THOP1: variants seen among roughly 807,000 people sequenced by gnomAD.
THOP1 encodes thimet oligopeptidase.
THOP1 carries 49 observed loss-of-function variants against 71.8 expected under a neutral mutation model. The ratio of observed to expected loss-of-function variants is 0.68; its 90% CI spans 0.54 to 0.87. The LOEUF (loss-of-function observed/expected upper bound fraction) is 0.87, where lower values mean the gene tolerates loss of function less well. Among genes scored for constraint, THOP1 ranks in the 40% least tolerant of loss-of-function variants. The pLI is 0.00. For missense variants in THOP1, 843 were observed against 975.6 expected, an observed-to-expected ratio of 0.86 and a Z score of 1.81; for synonymous variants, 426 against 421.5, an observed-to-expected ratio of 1.01 and a Z score of -0.13.
chr19:2,812,987 C>T (rs1002133579), intron 12 of THOP1, 128 bp from the exon 13 acceptor site: 81 of 1,171,614 alleles, frequency 6.9e-5, no homozygotes, highest in Middle Eastern at 2.6e-4. Context: ...AGGCGGCCCC[C>T]GGGCCTCCCT....
At chr19:2,798,744 G>A (rs755764919) in intron 4 of THOP1, among the ~76,000 whole-genome samples, 6 of 152,216 alleles carry the variant, frequency 3.9e-5, no homozygotes, top group South Asian at 2.1e-4. Context: ...CCCTGCTGCC[G>A]CCCTCTGTCC....
intron 9 of THOP1, 22 bp downstream of exon 9, chr19:2,808,466 G>A: frequency 6.6e-7 from 1 of 1,525,346 alleles, no homozygotes; most frequent in Non-Finnish European, 8.8e-7. Context: ...CCCGGGCAGG[G>A]GCAGGGGCAG....
chr19:2,791,402 C>A (rs1173937981), intron 2 of THOP1, among the ~76,000 whole-genome samples: 1 of 115,656 alleles, frequency 8.6e-6, no homozygotes, highest in South Asian at 2.9e-4. Flanking sequence ...GGGCTTCTCT[C>A]GTGTTCCAAG....
Position 2,805,761 on chromosome 19 carries a change from G to C in THOP1, c.750+585G>C, listed in dbSNP as rs528092991. 2.4e-4 allele frequency among the ~76,000 whole-genome samples: 37 copies of C among 152,292 alleles called. No homozygotes were observed. The highest frequency in any genetic ancestry group is 8.4e-4 in the African/African-American group (35 of 41,560). On this transcript the variant is annotated intron_variant, in intron 6 of 12. Transcript: ENST00000307741. The surrounding 1 kb of genome is among the most constrained non-coding windows in gnomAD (Gnocchi z 6.6). ...ACACCAAGTTGGTGCTTGTGCGGCT[G>C]GCAAAAGGGGGATACACGCTGATCA... is the stretch of plus-strand genomic sequence containing the variant.
At chr19:2,811,283 G>T (rs576456079) in intron 11 of THOP1, among the ~76,000 whole-genome samples, 3 of 152,242 alleles carry the variant, frequency 2.0e-5, no homozygotes, top group Non-Finnish European at 4.4e-5. Context: ...GTTTTCAGCA[G>T]CGTGGCCTGT....
Position 2,813,371 on chromosome 19 carries a change from C to CAG in THOP1, c.*95_*96insAG. 1 of 1,398,068 alleles carries CAG rather than the reference C, an allele frequency of 7.2e-7. No individual in the cohort carries two copies. The highest frequency in any genetic ancestry group is 9.5e-7 in the Non-Finnish European group (1 of 1,055,578). The allele number at this position is 1,398,068 out of a possible 1,614,324, so 86.6% of individuals were successfully genotyped here. A position where few individuals can be genotyped will look rare whatever the true frequency, so the allele number is the denominator to read the frequency against. On this transcript the variant is annotated 3_prime_UTR_variant, in exon 13 of 13. Transcript: ENST00000307741. ...GATGGGGCAGGCTCTGGCACAGTGC[C>CAG]TGGGACTGGCAGGGTGGCTGAGCGG...
intron 4 of THOP1, 37 bp from the exon 5 acceptor site, chr19:2,799,652 G>A (rs1442612078): frequency 2.6e-6 from 4 of 1,564,726 alleles, no homozygotes; most frequent in Non-Finnish European, 3.5e-6. Context: ...GCCCGCCCCG[G>A]TCTCTCCCTC....
intron 1 of THOP1, 52 bp downstream of exon 1, chr19:2,785,730 TC>T: frequency 1.5e-6 from 2 of 1,340,968 alleles, no homozygotes; most frequent in South Asian, 2.1e-5. Flanking sequence ...CCCTCGCTCC[TC>T]CCGGGGTCGC....
chr19:2,799,522 C>T (rs997055623), intron 4 of THOP1, among the ~76,000 whole-genome samples, 167 bp from the exon 5 acceptor site: 2 of 152,230 alleles, frequency 1.3e-5, no homozygotes, highest in Non-Finnish European at 2.9e-5. Flanking sequence ...CCGTGTCTGT[C>T]TGTCCTCCGC....
At position 2,804,783 on chromosome 19, in the gene THOP1, C is replaced by T. The variant is rs1024866753; in HGVS notation, c.590-233C>T. On this transcript the variant is annotated intron_variant, in intron 5 of 12. Transcript: ENST00000307741. This position sits in a 1 kb window ranked among gnomAD's most constrained non-coding sequence, Gnocchi z 4.7. ...TTTCCTGGTGGGGTTAGAGGCGGGACGTGAGAAACGTGGCAGGTGGTGGCC... is the reference window on the plus strand; with the variant it reads ...TTTCCTGGTGGGGTTAGAGGCGGGATGTGAGAAACGTGGCAGGTGGTGGCC... 19 of 507,866 alleles carry T rather than the reference C, an allele frequency of 3.7e-5. No individual in the cohort carries two copies. The highest frequency in any genetic ancestry group is 1.1e-3 in the Middle Eastern group (2 of 1,870). The allele number at this position is 507,866 out of a possible 1,614,324, so 31.5% of individuals were successfully genotyped here.
chr19:2,790,101 G>A (rs769443315), intron 1 of THOP1, among the ~76,000 whole-genome samples: 3 of 152,124 alleles, frequency 2.0e-5, no homozygotes, highest in Non-Finnish European at 4.4e-5. Context: ...CGGGCTGATC[G>A]TTCTCTGCTG....
intron 5 of THOP1, among the ~76,000 whole-genome samples, chr19:2,803,087 G>A (rs1390518659): frequency 6.6e-6 from 1 of 152,214 alleles, no homozygotes; most frequent in Non-Finnish European, 1.5e-5. Context: ...TTGGACATGT[G>A]ATGTCGCAGG....
chr19:2,802,190 T>G (rs1916160679), intron 5 of THOP1, among the ~76,000 whole-genome samples: 2 of 141,046 alleles, frequency 1.4e-5, no homozygotes, highest in Non-Finnish European at 1.5e-5. Flanking sequence ...AACACCGCCG[T>G]CTCCCGATAC....
intron 2 of THOP1, 135 bp downstream of exon 2, chr19:2,790,768 G>A: frequency 1.3e-6 from 1 of 772,808 alleles, no homozygotes; most frequent in Non-Finnish European, 1.9e-6. Flanking sequence ...CCTGAGCACA[G>A]GGCAGCGCCA....
chr19:2,794,752 C>G lies in THOP1; in HGVS notation c.230-12C>G. 1.2e-6 allele frequency: 2 copies of G among 1,607,332 alleles called. No homozygotes were observed. The highest frequency in any genetic ancestry group is 2.2e-5 in the South Asian group (2 of 90,948). ...GTTCTCACACCTGTCTCCCTGGTCT[C>G]CCCTGTTTTAGTTCAGAGGAATATC... On this transcript the variant is annotated splice_polypyrimidine_tract_variant and intron_variant, in intron 2 of 12. Transcript: ENST00000307741.
rs1233752184 is a variant in THOP1 at position 2,807,027 on chromosome 19, C to A, written c.861C>A (p.Thr287=). The change falls in exon 7 of 13, where the codon ACC becomes ACA. Residue 287 remains threonine (T), a synonymous_variant. Transcript: ENST00000307741. ...DYVLEMNMAK[T]SQTVATFLDE... is the part of the protein sequence containing the mutation. Reference sequence around the variant, plus strand: ...TCCTGGAGATGAACATGGCCAAGACCAGCCAGACCGTGGCCACCTTCCTAG... The same window carrying A: ...TCCTGGAGATGAACATGGCCAAGACAAGCCAGACCGTGGCCACCTTCCTAG... 3 of 1,611,408 alleles carry A rather than the reference C, an allele frequency of 1.9e-6. No homozygotes were observed. The Admixed American group carries it at 5.0e-5, about 27-fold the overall frequency.
chr19:2,807,043 ACCTTCCTAGGTAGC>A lies in THOP1; in HGVS notation c.885_886+12del. ...GGCCAAGACCAGCCAGACCGTGGCC[ACCTTCCTAGGTAGC>A]CCTTCCTTCCTCCTCCACTGGGGTC... On this transcript the variant is annotated splice_donor_variant and splice_donor_5th_base_variant and coding_sequence_variant and intron_variant, in exon 7 of 13. Transcript: ENST00000307741. LOFTEE classifies it high-confidence loss of function. 1 of 1,609,998 alleles carries A rather than the reference ACCTTCCTAGGTAGC, an allele frequency of 6.2e-7. No individual in the cohort carries two copies. The highest frequency in any genetic ancestry group is 8.5e-7 in the Non-Finnish European group (1 of 1,178,488).
rs895935001 is a variant in THOP1 at position 2,785,528 on chromosome 19, G to T, written c.-135G>T. The T allele has an allele frequency of 2.0e-6, 2 of 1,006,168 alleles. No homozygotes were observed. The highest frequency in any genetic ancestry group is 1.7e-5 in the African/African-American group (1 of 58,876). The allele number at this position is 1,006,168 out of a possible 1,614,324, so 62.3% of individuals were successfully genotyped here. On this transcript the variant is annotated 5_prime_UTR_variant, in exon 1 of 13. Coordinates refer to ENST00000307741, the MANE Select transcript of THOP1 (RefSeq NM_003249.5). ...AGCATGCCCCGGGAGCGCGGGCGGC[G>T]GGCCCCTTGGTCCTCAGGCGGCCGT... is the stretch of plus-strand genomic sequence containing the variant.
intron 12 of THOP1, chr19:2,812,477 C>A: frequency 1.6e-6 from 2 of 1,287,258 alleles, no homozygotes; most frequent in Non-Finnish European, 2.0e-6. Flanking sequence ...TCTTCACAGC[C>A]CAGCAGGGAC....
Sources: gnomAD v4.1 joint callset for allele counts (sites outside exome capture counted in the v4.1 genomes callset) on GRCh38, gnomAD v4.1.1 for gene constraint, Gnocchi (gnomAD v3.1) non-coding constraint, MANE v1.5 for transcripts, NCBI Gene and HGNC (gene_info 2026-07-23, HGNC 2026-07-21) for gene names.